GLIS3: variants seen among roughly 807,000 people sequenced by gnomAD.
GLIS3 encodes the protein GLIS family zinc finger 3.
Under a neutral mutation model 78.6 loss-of-function variants are expected in GLIS3, and 53 were observed. The observed-to-expected ratio is 0.67, with a 90% CI of 0.54 to 0.85. The LOEUF (loss-of-function observed/expected upper bound fraction) is 0.85. Ranked by LOEUF, GLIS3 falls within the 40% of genes least tolerant of loss-of-function variation. The pLI is 0.00. For synonymous variants in GLIS3, 684 were observed against 509.9 expected, an observed-to-expected ratio of 1.34 and a Z score of -4.60; for missense variants, 1,703 against 1,231.1, an observed-to-expected ratio of 1.38 and a Z score of -5.74.
chr9:4,199,388 C>T (rs1353007488), intron 2 of GLIS3, among the ~76,000 whole-genome samples: 1 of 151,204 alleles, frequency 6.6e-6, no homozygotes, highest in Non-Finnish European at 1.5e-5. Flanking sequence ...AAATGCAACA[C>T]AAAAAAGAGT....
the GLIS3 span, among the ~76,000 whole-genome samples, chr9:4,422,822 G>A: frequency 2.6e-5 from 4 of 152,316 alleles, no homozygotes; most frequent in Non-Finnish European, 2.9e-5. Context: ...CTGAGACCTA[G>A]AGGAAGAGAT....
intron 6 of GLIS3, among the ~76,000 whole-genome samples, chr9:3,905,015 C>T (rs1014627292): frequency 1.3e-4 from 19 of 151,314 alleles, no homozygotes; most frequent in African/African-American, 4.6e-4. Context: ...CTCTGTCTCC[C>T]AGGCCGGAGT....
intron 8 of GLIS3, among the ~76,000 whole-genome samples, chr9:3,867,340 G>A (rs528312440): frequency 6.6e-5 from 10 of 152,192 alleles, no homozygotes; most frequent in Non-Finnish European, 1.5e-4. Flanking sequence ...TTCCTTATAA[G>A]TGTACATGTG....
At chr9:4,426,778 C>T in the GLIS3 span, among the ~76,000 whole-genome samples, 1 of 152,148 alleles carries the variant, frequency 6.6e-6, no homozygotes, top group Non-Finnish European at 1.5e-5. Flanking sequence ...GCTTCAGTTC[C>T]GTCATTGGTA....
intron 2 of GLIS3, among the ~76,000 whole-genome samples, chr9:4,329,064 T>C (rs62546170): frequency 0.11 from 16,019 of 152,248 alleles, 909 homozygotes; most frequent in Middle Eastern, 0.14. Flanking sequence ...TGCCAGGCTA[T>C]CGTTTTAACA....
intron 8 of GLIS3, among the ~76,000 whole-genome samples, chr9:3,867,061 AG>A (rs1308377844): frequency 6.6e-6 from 1 of 152,234 alleles, no homozygotes; most frequent in Non-Finnish European, 1.5e-5. Context: ...GTTTGGGAAA[AG>A]GGAAGAATCT....
chr9:4,468,683 T>C, the GLIS3 span, among the ~76,000 whole-genome samples: 5 of 152,142 alleles, frequency 3.3e-5, no homozygotes, highest in African/African-American at 1.2e-4. Flanking sequence ...GCAAAAAACA[T>C]GCCAATTTGT....
At chr9:4,192,006 C>G (rs1353287342) in intron 2 of GLIS3, among the ~76,000 whole-genome samples, 2 of 151,972 alleles carry the variant, frequency 1.3e-5, no homozygotes, top group East Asian at 3.8e-4. Context: ...GTCTATATAT[C>G]TTTACATTTG....
chr9:4,186,341 T>C (rs560298754), intron 2 of GLIS3, among the ~76,000 whole-genome samples: 152 of 152,228 alleles, frequency 1.0e-3, no homozygotes, highest in African/African-American at 3.5e-3. Context: ...TCCTTTTTTA[T>C]GGCTGCATAG....
chr9:4,141,693 A>G (rs1236113783), intron 2 of GLIS3, among the ~76,000 whole-genome samples: 1 of 152,244 alleles, frequency 6.6e-6, no homozygotes, highest in East Asian at 1.9e-4. Context: ...AATAAGTCAT[A>G]CTACAGATTT....
chr9:4,349,763 A>G (rs376498960), upstream of GLIS3, among the ~76,000 whole-genome samples: 8 of 152,248 alleles, frequency 5.3e-5, no homozygotes, highest in East Asian at 1.5e-3. Context: ...CAAAAAGGAA[A>G]AATATCCGGG....
the GLIS3 span, among the ~76,000 whole-genome samples, chr9:4,486,880 T>C: frequency 6.6e-6 from 1 of 152,148 alleles, no homozygotes; most frequent in African/African-American, 2.4e-5. Context: ...TTAAGTTTTG[T>C]AGAGCCAAGA....
chr9:4,414,811 C>T, the GLIS3 span, among the ~76,000 whole-genome samples: 3 of 151,966 alleles, frequency 2.0e-5, no homozygotes, highest in Non-Finnish European at 2.9e-5. Flanking sequence ...CATCTTCCAC[C>T]GTATTCCAGA....
intron 2 of GLIS3, among the ~76,000 whole-genome samples, chr9:4,205,026 A>T (rs1819739809): frequency 6.6e-6 from 1 of 151,794 alleles, no homozygotes; most frequent in South Asian, 2.1e-4. Context: ...AACTACAAAA[A>T]TTAGCTGGGC....
At chr9:4,132,745 T>C (rs1458966358) in intron 2 of GLIS3, among the ~76,000 whole-genome samples, 1 of 152,142 alleles carries the variant, frequency 6.6e-6, no homozygotes, top group Admixed American at 6.5e-5. Flanking sequence ...TAAAATGATA[T>C]TCTTAATAGG....
chr9:4,341,605 A>G (rs1251186620), intron 2 of GLIS3, among the ~76,000 whole-genome samples: 3 of 152,190 alleles, frequency 2.0e-5, no homozygotes. Context: ...CATCCAATGC[A>G]TCCAATCCAA....
At chr9:4,364,138 G>A in the GLIS3 span, among the ~76,000 whole-genome samples, 1 of 151,982 alleles carries the variant, frequency 6.6e-6, no homozygotes, top group Non-Finnish European at 1.5e-5. Flanking sequence ...AATATCCAAG[G>A]GTCTCATTCT....
chr9:3,913,984 G>T (rs969744902), intron 6 of GLIS3, among the ~76,000 whole-genome samples: 1 of 152,118 alleles, frequency 6.6e-6, no homozygotes, highest in Admixed American at 6.5e-5. Context: ...TTTGGGGTAG[G>T]CCCCAAAGAC....
At chr9:4,137,895 G>A (rs1402599780) in intron 2 of GLIS3, among the ~76,000 whole-genome samples, 1 of 152,164 alleles carries the variant, frequency 6.6e-6, no homozygotes, top group Non-Finnish European at 1.5e-5. Context: ...CTTCTCCCTC[G>A]ACAAATTTTC....
Sources: allele counts gnomAD v4.1 joint callset (sites outside exome capture counted in the v4.1 genomes callset), GRCh38; gene constraint gnomAD v4.1.1; transcripts MANE v1.5; gene names NCBI Gene and HGNC (gene_info 2026-07-23, HGNC 2026-07-21).